ZFP82: variants seen among roughly 807,000 people sequenced by gnomAD.
ZFP82 encodes the protein zinc finger protein 82 homolog.
In ZFP82, 30 loss-of-function variants were observed where a neutral mutation model predicts 54.0. The ratio of observed to expected loss-of-function variants is 0.56; its 90% confidence interval spans 0.42 to 0.75. ZFP82 has a LOEUF of 0.75. Ranked by LOEUF, ZFP82 falls within the 30% of genes least tolerant of loss-of-function variation. The pLI is 0.00. For synonymous variants in ZFP82, 194 were observed against 209.5 expected (o/e 0.93, Z 0.64); for missense variants, 500 against 636.8 (o/e 0.79, Z 2.31).
At chr19:36,405,696 A>C (rs766009032) in intron 3 of ZFP82, 24 bp from the exon 4 acceptor site, 3 of 1,518,430 alleles carry the variant, frequency 2.0e-6, no homozygotes, top group Non-Finnish European at 1.8e-6. Context: ...AAGGAATATA[A>C]GGTACATGAA....
At chr19:36,387,064 G>A (rs1000674979), downstream of ZFP82, among the ~76,000 whole-genome samples, 2 of 152,164 alleles carry the variant, frequency 1.3e-5, no homozygotes, top group African/African-American at 4.8e-5. Flanking sequence ...GTTGTGTTTT[G>A]GGAGTAAATA....
chr19:36,404,955 G>A (rs1203919230), intron 4 of ZFP82, among the ~76,000 whole-genome samples: 4 of 152,082 alleles, frequency 2.6e-5, no homozygotes, highest in African/African-American at 9.7e-5. Context: ...AGGCTGAGGC[G>A]GGCAGATCAC....
downstream of ZFP82, chr19:36,384,026 G>A (rs1003950607): frequency 6.6e-6 from 1 of 152,160 alleles, no homozygotes; most frequent in Non-Finnish European, 1.5e-5. Flanking sequence ...ACTGGTTGAA[G>A]GGATTGTGCA....
downstream of ZFP82, chr19:36,383,703 G>T (rs997539691): frequency 1.3e-5 from 2 of 152,012 alleles, no homozygotes; most frequent in South Asian, 4.2e-4. Context: ...AAGATTATTA[G>T]GTAATAATGA....
At chr19:36,403,322 CAAAA>C (rs138418003) in intron 4 of ZFP82, among the ~76,000 whole-genome samples, 1 of 65,508 alleles carries the variant, frequency 1.5e-5, no homozygotes, top group African/African-American at 6.5e-5. Flanking sequence ...GACTCCATCT[CAAAA>C]AAAAAAAAAA....
intron 1 of ZFP82, among the ~76,000 whole-genome samples, chr19:36,411,192 TA>T (rs10640750): frequency 1.2e-4 from 18 of 146,190 alleles, no homozygotes; most frequent in South Asian, 2.2e-4. Context: ...AGACTCCATC[TA>T]AAAAAAAAAA....
chr19:36,417,993 G>A (rs979707646), intron 1 of ZFP82, among the ~76,000 whole-genome samples: 1 of 152,080 alleles, frequency 6.6e-6, no homozygotes, highest in African/African-American at 2.4e-5. Flanking sequence ...GCTCGCTGCA[G>A]CCTCAATCTC....
chr19:36,409,284 TAA>T (rs916010456), intron 2 of ZFP82, among the ~76,000 whole-genome samples: 2 of 151,928 alleles, frequency 1.3e-5, no homozygotes, highest in African/African-American at 4.8e-5. Context: ...TTTTTTTTTT[TAA>T]GAGACAGGGT....
intron 4 of ZFP82, among the ~76,000 whole-genome samples, chr19:36,401,702 TTC>T (rs2032387478): frequency 6.6e-6 from 1 of 152,202 alleles, no homozygotes; most frequent in South Asian, 2.1e-4. Flanking sequence ...GGCTTTCAAT[TTC>T]TCTTAGTGGT....
rs35808591 is a variant in ZFP82 at position 36,407,074 on chromosome 19, CTTTTTTTT to C, written c.136+805_136+812del. ...ATACAAATCTTAGATTTTTAATTTT[CTTTTTTTT>C]TTTTTTTTTTTTGAGACGGAGTCTC... On this transcript the variant is annotated intron_variant, in intron 3 of 4. Coordinates refer to ENST00000392161, the MANE Select transcript of ZFP82 (RefSeq NM_133466.4). Among the ~76,000 whole-genome samples the C allele has an allele frequency of 1.4e-3, 136 of 99,746 alleles. No individual in the cohort carries two copies. The East Asian group carries it at 0.029, about 21-fold the overall frequency. 65.4% of individuals were successfully genotyped at this position (99,746 alleles called of 152,430 possible). A position where few individuals can be genotyped will look rare whatever the true frequency, so the allele number is the denominator to read the frequency against.
rs557636824 is a variant in ZFP82 at position 36,418,217 on chromosome 19, C to T, written c.-79+275G>A. ...ACAGATGTGAGCCACCTGGTCCGGC[C>T]TAGTCTGCGCGTTTCTGCTGGGAGT... is the stretch of plus-strand genomic sequence containing the variant. On this transcript the variant is annotated intron_variant, in intron 1 of 4. Transcript: ENST00000392161. 2.6e-5 allele frequency among the ~76,000 whole-genome samples: 4 copies of T among 152,140 alleles called. No individual in the cohort carries two copies. The South Asian group carries it at 8.3e-4, about 32-fold the overall frequency.
chr19:36,399,452 T>C (rs1369396497), intron 4 of ZFP82, among the ~76,000 whole-genome samples: 1 of 152,154 alleles, frequency 6.6e-6, no homozygotes, highest in Non-Finnish European at 1.5e-5. Flanking sequence ...AGACAGCAAC[T>C]ACTACTGTTT....
At chr19:36,417,594 C>T (rs922587735) in intron 1 of ZFP82, among the ~76,000 whole-genome samples, 5 of 152,178 alleles carry the variant, frequency 3.3e-5, no homozygotes, top group African/African-American at 1.2e-4. Flanking sequence ...AATAAGGGAA[C>T]CAGGCTTTTC....
Position 36,409,615 on chromosome 19 carries a change from A to C in ZFP82, c.9+166T>G, listed in dbSNP as rs539514804. Among the ~76,000 whole-genome samples, 10 of 151,514 alleles carry C rather than the reference A, an allele frequency of 6.6e-5. No homozygotes were observed. In the East Asian group the frequency reaches 1.9e-3, roughly 29 times the overall value. On this transcript the variant is annotated intron_variant, in intron 2 of 4. Coordinates refer to ENST00000392161, the MANE Select transcript of ZFP82 (RefSeq NM_133466.4). ...AACAAAGATAAGAACAATGACTAGAATAAAGAGTGTTCATAGGACAAGCAT... is the reference window on the plus strand; with the variant it reads ...AACAAAGATAAGAACAATGACTAGACTAAAGAGTGTTCATAGGACAAGCAT...
In ZFP82 at chr19:36,390,210, C is replaced by A. The variant is rs1287434113; in HGVS notation, c.*2531G>T. 2 of 152,120 alleles carry A rather than the reference C, an allele frequency of 1.3e-5. No homozygotes were observed. The highest frequency in any genetic ancestry group is 2.9e-5 in the Non-Finnish European group (2 of 68,034). The allele number at this position is 152,120 out of a possible 1,614,324, so 9.4% of individuals were successfully genotyped here. The stretch of plus-strand genomic sequence containing the variant: ...ATAATTTCCATGTCTGCCTGTCTCA[C>A]CATGATTGATTAAAACAAATCCCAA... On this transcript the variant is annotated 3_prime_UTR_variant, in exon 5 of 5. Transcript: ENST00000392161.
chr19:36,413,457 A>G (rs1019343186), intron 1 of ZFP82, among the ~76,000 whole-genome samples: 1 of 152,188 alleles, frequency 6.6e-6, no homozygotes, highest in Non-Finnish European at 1.5e-5. Context: ...AATACCTAAC[A>G]GTAGGCAACA....
Position 36,413,962 on chromosome 19 carries a change from A to G in ZFP82, c.-78-4095T>C, listed in dbSNP as rs568272305. On this transcript the variant is annotated intron_variant, in intron 1 of 4. Transcript: ENST00000392161. Reference sequence around the variant, plus strand: ...GTTACCCAGGCTGGAGTGCAGTGGCAAGATCTCGGCTCACTGCAAGTTCCA... The same window carrying G: ...GTTACCCAGGCTGGAGTGCAGTGGCGAGATCTCGGCTCACTGCAAGTTCCA... 1.6e-4 allele frequency among the ~76,000 whole-genome samples: 24 copies of G among 149,986 alleles called. No individual in the cohort carries two copies. The Admixed American group carries it at 1.6e-3, about 10-fold the overall frequency.
chr19:36,400,037 A>G (rs1165649856), intron 4 of ZFP82, among the ~76,000 whole-genome samples: 2 of 152,252 alleles, frequency 1.3e-5, no homozygotes, highest in African/African-American at 4.8e-5. Context: ...AAGTTAAAAT[A>G]ATACTTTTAT....
intron 4 of ZFP82, among the ~76,000 whole-genome samples, chr19:36,400,319 T>C (rs991971909): frequency 1.3e-5 from 2 of 152,360 alleles, no homozygotes; most frequent in South Asian, 2.1e-4. Flanking sequence ...TCTTACTTTG[T>C]TGATACAAGA....
Sources: gnomAD v4.1 joint callset for allele counts (sites outside exome capture counted in the v4.1 genomes callset) on GRCh38, gnomAD v4.1.1 for gene constraint, MANE v1.5 for transcripts, NCBI Gene and HGNC (gene_info 2026-07-23, HGNC 2026-07-21) for gene names.